The following UBQLN2 variants were observed in gnomAD, a reference collection of about 807,000 sequenced individuals.
UBQLN2 encodes ubiquilin 2.
UBQLN2 carries 2 observed loss-of-function variants against 22.2 expected under a neutral mutation model. The ratio of observed to expected loss-of-function variants is 0.09; its 90% CI spans 0.04 to 0.28. The LOEUF (loss-of-function observed/expected upper bound fraction) is 0.28, where lower values mean the gene tolerates loss of function less well. UBQLN2 is among the 10% of genes least tolerant of loss of function. UBQLN2 has a pLI of 1.00. For synonymous variants in UBQLN2, 252 were observed against 206.7 expected, an observed-to-expected ratio of 1.22 and a Z score of -1.88; for missense variants, 446 against 505.1, an observed-to-expected ratio of 0.88 and a Z score of 1.12.
In UBQLN2 at chrX:56,564,483, C is replaced by T. The variant is rs1475857616; in HGVS notation, c.610C>T (p.Leu204Phe). The T allele has an allele frequency of 8.3e-7, 1 of 1,211,677 alleles. No homozygotes were observed. The highest frequency in any genetic ancestry group is 1.1e-6 in the Non-Finnish European group (1 of 895,516). Residue 204 changes from leucine (L) to phenylalanine (F), a missense_variant, in exon 1 of 1, where the codon CTC (leucine) becomes TTC (phenylalanine). By Grantham distance (22) the Leu-to-Phe change is conservative. This residue lies in a region of UBQLN2 where 129 missense variants were observed against 198.1 expected (regional missense o/e 0.65). Transcript: ENST00000338222. ...TTCGAATCCCGATCTGATGAGGCAG[C>T]TCATTATGGCTAATCCACAGATGCA... ...MLSNPDLMRQ[L>F]IMANPQMQQL...
Position 56,565,406 on chromosome X carries a change from C to A in UBQLN2, c.1533C>A (p.Gly511=), listed in dbSNP as rs1185320253. The change falls in exon 1 of 1, where the codon GGC becomes GGA. Residue 511 remains glycine, a synonymous_variant. Coordinates refer to ENST00000338222, the MANE Select transcript of UBQLN2 (RefSeq NM_013444.4). ...IGPIVPFTPI[G]PIGPIGPTGP... is the part of the protein sequence containing the mutation. Reference sequence around the variant, plus strand: ...CTATAGTCCCTTTTACCCCCATAGGCCCCATTGGGCCCATAGGACCCACTG... The same window carrying A: ...CTATAGTCCCTTTTACCCCCATAGGACCCATTGGGCCCATAGGACCCACTG... 8.4e-7 allele frequency: 1 copy of A among 1,194,357 alleles called. No homozygotes were observed. Among genetic ancestry groups the A allele is most frequent in the African/African-American group, 1.7e-5 (1 of 57,361 alleles).
rs779804718 is a variant in UBQLN2 at position 56,565,775 on chromosome X, T to G, written c.*27T>G. ...CACATTTCTGTACCTGGAAAAAAAA[T>G]GTATCTTATTTTTGATAATGGCTCT... is the stretch of plus-strand genomic sequence containing the variant. On this transcript the variant is annotated 3_prime_UTR_variant, in exon 1 of 1. Coordinates refer to ENST00000338222, the MANE Select transcript of UBQLN2 (RefSeq NM_013444.4). The G allele has an allele frequency of 1.7e-5, 19 of 1,146,366 alleles. No individual in the cohort carries two copies. The highest frequency in any genetic ancestry group is 2.1e-5 in the Non-Finnish European group (18 of 847,912). The allele number at this position is 1,146,366 out of a possible 1,213,427, so 94.5% of individuals were successfully genotyped here. A position where few individuals can be genotyped will look rare whatever the true frequency, so the allele number is the denominator to read the frequency against.
chrX:56,565,471 C>G lies in UBQLN2; in HGVS notation c.1598C>G (p.Pro533Arg). 1.7e-6 allele frequency: 2 copies of G among 1,201,349 alleles called. No individual in the cohort carries two copies. The highest frequency in any genetic ancestry group is 3.6e-5 in the South Asian group (2 of 55,670). Residue 533 changes from proline to arginine, a missense_variant, in exon 1 of 1, where the codon CCC (proline) becomes CGC (arginine). Pro to Arg is a moderately radical substitution (Grantham distance 103, BLOSUM62 -2). Transcript: ENST00000338222. Reference protein sequence around the residue: ...APPGSTGSGGPTGPTVSSAAP... With the variant: ...APPGSTGSGGRTGPTVSSAAP... ...CCTGGCTCCACCGGCTCTGGTGGCC[C>G]CACGGGGCCTACTGTGTCCAGCGCT...
Position 56,567,445 on chromosome X carries a change from G to A in UBQLN2, c.*1697G>A, listed in dbSNP as rs2068647973. The A allele has an allele frequency of 8.1e-6, 1 of 123,109 alleles. No individual in the cohort carries two copies. Among genetic ancestry groups the A allele is most frequent in the African/African-American group, 3.3e-5 (1 of 30,765 alleles). The allele number at this position is 123,109 out of a possible 1,213,427, so 10.1% of individuals were successfully genotyped here. The stretch of plus-strand genomic sequence containing the variant: ...GATTCTCTTAAATTGATATGACTGT[G>A]AGGACTACAGAATTGCATTGCTTTC... On this transcript the variant is annotated 3_prime_UTR_variant, in exon 1 of 1. Coordinates refer to ENST00000338222, the MANE Select transcript of UBQLN2 (RefSeq NM_013444.4).
chrX:56,564,059 G>T lies in UBQLN2; in HGVS notation c.186G>T (p.Ser62=), dbSNP rs753490349. The change falls in exon 1 of 1, where the codon TCG becomes TCT. Residue 62 remains serine, a synonymous_variant. Coordinates refer to ENST00000338222, the MANE Select transcript of UBQLN2 (RefSeq NM_013444.4). ...TTCAGCAGTTTAAGGAAGCGATTTCGAAACGCTTCAAATCCCAAACCGATC... is the reference window on the plus strand; with the variant it reads ...TTCAGCAGTTTAAGGAAGCGATTTCTAAACGCTTCAAATCCCAAACCGATC... ...SSVQQFKEAI[S]KRFKSQTDQL... is the part of the protein sequence containing the mutation. 1 of 1,203,677 alleles carries T rather than the reference G, an allele frequency of 8.3e-7. No homozygotes were observed. The highest frequency in any genetic ancestry group is 3.0e-5 in the East Asian group (1 of 33,619).
At position 56,564,237 on chromosome X, in the gene UBQLN2, A is replaced by G. The variant is rs769161895; in HGVS notation, c.364A>G (p.Asn122Asp). The G allele has an allele frequency of 8.3e-7, 1 of 1,209,262 alleles. No individual in the cohort carries two copies. The highest frequency in any genetic ancestry group is 1.8e-5 in the African/African-American group (1 of 56,882). ...STQPSNAAGT[N>D]TTSASTPRSN... ...GCAGCCTAGCAATGCCGCGGGAACT[A>G]ACACTACCTCGGCGTCGACTCCCAG... The change falls in exon 1 of 1, where the codon AAC becomes GAC. Residue 122 changes from asparagine (N) to aspartate (D), a missense_variant. By Grantham distance (23) the Asn-to-Asp change is conservative (BLOSUM62 1). Around this residue, in one of 3 missense-constraint regions of UBQLN2, gnomAD observed 129 missense variants for 198.1 expected, o/e 0.65. Coordinates refer to ENST00000338222, the MANE Select transcript of UBQLN2 (RefSeq NM_013444.4).
rs951598485 is a variant in UBQLN2, at chrX:56,567,414, G to A, written c.*1666G>A. The A allele has an allele frequency of 1.1e-4, 13 of 123,036 alleles. No homozygotes were observed. Among genetic ancestry groups the A allele is most frequent in the African/African-American group, 4.2e-4 (13 of 30,767 alleles). The allele number at this position is 123,036 out of a possible 1,213,427, so 10.1% of individuals were successfully genotyped here. A position where few individuals can be genotyped will look rare whatever the true frequency, so the allele number is the denominator to read the frequency against. On this transcript the variant is annotated 3_prime_UTR_variant, in exon 1 of 1. Coordinates refer to ENST00000338222, the MANE Select transcript of UBQLN2 (RefSeq NM_013444.4). ...TCCCCCAAAAATATATTGAGAATTTGGTTGGGATTCTCTTAAATTGATATG... is the reference window on the plus strand; with the variant it reads ...TCCCCCAAAAATATATTGAGAATTTAGTTGGGATTCTCTTAAATTGATATG...
chrX:56,566,320 A>G lies in UBQLN2; in HGVS notation c.*572A>G. The G allele has an allele frequency of 7.2e-6, 1 of 138,569 alleles. No homozygotes were observed. The highest frequency in any genetic ancestry group is 1.6e-5 in the Non-Finnish European group (1 of 61,484). The allele number at this position is 138,569 out of a possible 1,213,427, so 11.4% of individuals were successfully genotyped here. ...CTTTGGCATGTATTTTTGCTAGCAA[A>G]ATGCTGTAAGATTTATACCATTGAT... On this transcript the variant is annotated 3_prime_UTR_variant, in exon 1 of 1. Coordinates refer to ENST00000338222, the MANE Select transcript of UBQLN2 (RefSeq NM_013444.4).
rs746721893 is a variant in UBQLN2, at chrX:56,565,289, G to A, written c.1416G>A (p.Leu472=). Residue 472 remains leucine, a synonymous_variant, in exon 1 of 1, where the codon CTG becomes CTA. Transcript: ENST00000338222. The stretch of plus-strand genomic sequence containing the variant: ...CATTAGCCACTGAAGCACCTGGCCT[G>A]ATTCCGAGCTTCACTCCAGGTGTGG... ...LQTLATEAPG[L]IPSFTPGVGV... The A allele has an allele frequency of 1.6e-6, 2 of 1,212,172 alleles. No individual in the cohort carries two copies. Among genetic ancestry groups the A allele is most frequent in the East Asian group, 5.9e-5 (2 of 33,846 alleles).
At position 56,564,371 on chromosome X, in the gene UBQLN2, G is replaced by A. The variant is rs1303540824; in HGVS notation, c.498G>A (p.Glu166=). The A allele has an allele frequency of 8.3e-7, 1 of 1,211,895 alleles. No individual in the cohort carries two copies. Among genetic ancestry groups the A allele is most frequent in the Non-Finnish European group, 1.1e-6 (1 of 895,565 alleles). The part of the protein sequence containing the change: ...SLGLSSTNFS[E]LQSQMQQQLM... ...GCTTGAGCTCGACCAACTTCTCTGAGCTCCAGAGCCAGATGCAGCAGCAGC... is the reference window on the plus strand; with the variant it reads ...GCTTGAGCTCGACCAACTTCTCTGAACTCCAGAGCCAGATGCAGCAGCAGC... Residue 166 remains glutamate (E), a synonymous_variant, in exon 1 of 1, where the codon GAG becomes GAA. Transcript: ENST00000338222.
chrX:56,566,036 T>C lies in UBQLN2; in HGVS notation c.*288T>C. ...CTTTAGTTTCCTTCCTTAGCCGTTT[T>C]GAGTGGTGGGAATCAATGCTGTTTC... On this transcript the variant is annotated 3_prime_UTR_variant, in exon 1 of 1. Transcript: ENST00000338222. 2 of 397,005 alleles carry C rather than the reference T, an allele frequency of 5.0e-6. No homozygotes were observed. The highest frequency in any genetic ancestry group is 9.1e-6 in the Non-Finnish European group (2 of 219,678). The allele number at this position is 397,005 out of a possible 1,213,427, so 32.7% of individuals were successfully genotyped here.
Position 56,563,754 on chromosome X carries a change from C to T in UBQLN2, c.-120C>T, listed in dbSNP as rs1014010404. 4 of 527,814 alleles carry T rather than the reference C, an allele frequency of 7.6e-6. No individual in the cohort carries two copies. Among genetic ancestry groups the T allele is most frequent in the Non-Finnish European group, 9.2e-6 (3 of 326,940 alleles). 43.5% of individuals were successfully genotyped at this position (527,814 alleles called of 1,213,427 possible). A position where few individuals can be genotyped will look rare whatever the true frequency, so the allele number is the denominator to read the frequency against. On this transcript the variant is annotated 5_prime_UTR_variant, in exon 1 of 1. Coordinates refer to ENST00000338222, the MANE Select transcript of UBQLN2 (RefSeq NM_013444.4). ...TTCATCACAGAGGTACCGTGCTCCG[C>T]GCTCCCCGCCTGACCCGGCCCAGCC...
rs1452781914 is a variant in UBQLN2, at chrX:56,564,736, G to C, written c.863G>C (p.Gly288Ala). ...CTGAATGCCGCACAAGAGCAGTTTGGGGGTAATCCATTTGCCTCCGTGGGG... is the reference window on the plus strand; with the variant it reads ...CTGAATGCCGCACAAGAGCAGTTTGCGGGTAATCCATTTGCCTCCGTGGGG... ...PMLNAAQEQFGGNPFASVGSS... is the reference protein window; with the variant it reads ...PMLNAAQEQFAGNPFASVGSS... The change falls in exon 1 of 1, where the codon GGG becomes GCG. Residue 288 changes from glycine to alanine, a missense_variant. Gly to Ala is a moderately conservative substitution (Grantham distance 60). Coordinates refer to ENST00000338222, the MANE Select transcript of UBQLN2 (RefSeq NM_013444.4). The C allele has an allele frequency of 8.3e-7, 1 of 1,209,529 alleles. No homozygotes were observed. The highest frequency in any genetic ancestry group is 1.1e-6 in the Non-Finnish European group (1 of 895,128).
In UBQLN2 at chrX:56,564,874, C is replaced by T. The variant is rs376245403; in HGVS notation, c.1001C>T (p.Thr334Met). 276 of 1,209,189 alleles carry T rather than the reference C, an allele frequency of 2.3e-4. No individual in the cohort carries two copies. Among genetic ancestry groups the T allele is most frequent in the Non-Finnish European group, 3.0e-4 (268 of 894,972 alleles). ...PATQSSATTSTTTSTGSGSGN... is the reference protein window; with the variant it reads ...PATQSSATTSMTTSTGSGSGN... ...ACCCAGAGTTCTGCAACTACCAGCA[C>T]GACCACAAGCACTGGTAGTGGGTCT... Residue 334 changes from threonine (T) to methionine (M), a missense_variant, in exon 1 of 1, where the codon ACG becomes ATG. Thr to Met is a moderately conservative substitution (Grantham distance 81, BLOSUM62 -1). Transcript: ENST00000338222.
chrX:56,565,728 C>T lies in UBQLN2; in HGVS notation c.1855C>T (p.Leu619=), dbSNP rs199727154. 8.3e-7 allele frequency: 1 copy of T among 1,208,010 alleles called. No individual in the cohort carries two copies. Among genetic ancestry groups the T allele is most frequent in the Non-Finnish European group, 1.1e-6 (1 of 893,537 alleles). The part of the protein sequence containing the change: ...GDINAAIERL[L]GSQPS ...CATCAATGCAGCCATTGAAAGGCTG[C>T]TGGGCTCCCAGCCATCGTAATCACA... The change falls in exon 1 of 1, where the codon CTG becomes TTG. Residue 619 remains leucine, a synonymous_variant. Coordinates refer to ENST00000338222, the MANE Select transcript of UBQLN2 (RefSeq NM_013444.4).
Position 56,565,027 on chromosome X carries a change from A to G in UBQLN2, c.1154A>G (p.Asn385Ser). The G allele has an allele frequency of 2.5e-6, 3 of 1,212,059 alleles. No homozygotes were observed. The highest frequency in any genetic ancestry group is 3.3e-6 in the Non-Finnish European group (3 of 895,534). The part of the protein sequence containing the change: ...QITENPQLIQ[N>S]MLSAPYMRSM... ...ACTGAAAACCCCCAGCTGATTCAGA[A>G]TATGCTGTCGGCGCCCTACATGAGA... Residue 385 changes from asparagine to serine, a missense_variant, in exon 1 of 1, where the codon AAT becomes AGT. Around this residue, in one of 3 missense-constraint regions of UBQLN2, gnomAD observed 278 missense variants for 279.4 expected, o/e 1.00. Coordinates refer to ENST00000338222, the MANE Select transcript of UBQLN2 (RefSeq NM_013444.4).
chrX:56,564,377 G>T lies in UBQLN2; in HGVS notation c.504G>T (p.Gln168His), dbSNP rs904716218. The change falls in exon 1 of 1, where the codon CAG becomes CAT. Residue 168 changes from glutamine (Q) to histidine (H), a missense_variant. Gln to His is a conservative substitution (Grantham distance 24). This residue lies in a region of UBQLN2 where 129 missense variants were observed against 198.1 expected (regional missense o/e 0.65). Transcript: ENST00000338222. The part of the protein sequence containing the change: ...GLSSTNFSEL[Q>H]SQMQQQLMAS... Reference sequence around the variant, plus strand: ...GCTCGACCAACTTCTCTGAGCTCCAGAGCCAGATGCAGCAGCAGCTTATGG... The same window carrying T: ...GCTCGACCAACTTCTCTGAGCTCCATAGCCAGATGCAGCAGCAGCTTATGG... 9.1e-6 allele frequency: 11 copies of T among 1,209,991 alleles called. No homozygotes were observed. The highest frequency in any genetic ancestry group is 4.4e-5 in the Admixed American group (2 of 45,802).
At position 56,563,884 on chromosome X, in the gene UBQLN2, A is replaced by G; in HGVS notation, c.11A>G (p.Asn4Ser). The change falls in exon 1 of 1, where the codon AAT (asparagine) becomes AGT (serine). Residue 4 changes from asparagine (N) to serine (S), a missense_variant. Asn to Ser is a conservative substitution (Grantham distance 46, BLOSUM62 1). Coordinates refer to ENST00000338222, the MANE Select transcript of UBQLN2 (RefSeq NM_013444.4). ...GTCACCGCGGCCGCCATGGCTGAGA[A>G]TGGCGAGAGCAGCGGCCCCCCGCGC... MAE[N>S]GESSGPPRPS... 1.7e-6 allele frequency: 2 copies of G among 1,152,437 alleles called. No individual in the cohort carries two copies. The highest frequency in any genetic ancestry group is 1.2e-6 in the Non-Finnish European group (1 of 866,797). The allele number at this position is 1,152,437 out of a possible 1,213,427, so 95.0% of individuals were successfully genotyped here.
chrX:56,565,676 G>A lies in UBQLN2; in HGVS notation c.1803G>A (p.Leu601=). ...AMGFLNREAN[L]QALIATGGDI... ...GGTTCTTAAACCGTGAAGCAAACTT[G>A]CAGGCCCTAATAGCAACAGGAGGCG... is the stretch of plus-strand genomic sequence containing the variant. Residue 601 remains leucine, a synonymous_variant, in exon 1 of 1, where the codon TTG becomes TTA. Transcript: ENST00000338222. 3.3e-6 allele frequency: 4 copies of A among 1,211,989 alleles called. No homozygotes were observed. Among genetic ancestry groups the A allele is most frequent in the East Asian group, 3.0e-5 (1 of 33,840 alleles).
Sources: allele counts gnomAD v4.1 joint callset, GRCh38; gene constraint gnomAD v4.1.1; regional missense constraint gnomAD v4.1.1; transcripts MANE v1.5; gene names NCBI Gene and HGNC (gene_info 2026-07-23, HGNC 2026-07-21).